The following OXCT1 variants were observed in gnomAD, a reference collection of about 807,000 sequenced individuals.
OXCT1 encodes succinyl-CoA:3-ketoacid coenzyme A transferase 1, mitochondrial.
OXCT1 carries 27 observed loss-of-function variants against 69.6 expected under a neutral mutation model. The ratio of observed to expected loss-of-function variants is 0.39; its 90% CI spans 0.29 to 0.54. The LOEUF is 0.54. Ranked by LOEUF, OXCT1 falls within the 20% of genes least tolerant of loss-of-function variation. The probability of loss-of-function intolerance (pLI) is 0.72; values close to 1 mark genes in which losing one functional copy is unlikely to be tolerated. For synonymous variants in OXCT1, 202 were observed against 217.8 expected (o/e 0.93, Z 0.64); for missense variants, 437 against 650.2 (o/e 0.67, Z 3.57).
chr5:41,820,063 A>G (rs781493378), intron 7 of OXCT1, among the ~76,000 whole-genome samples: 47 of 151,994 alleles, frequency 3.1e-4, no homozygotes, highest in Non-Finnish European at 6.0e-4. Flanking sequence ...CCCTCACACA[A>G]CTCCTCAACT....
intron 13 of OXCT1, among the ~76,000 whole-genome samples, chr5:41,764,299 A>G (rs1744492924): frequency 6.6e-6 from 1 of 152,178 alleles, no homozygotes; most frequent in East Asian, 1.9e-4. Flanking sequence ...ACCAGGAATA[A>G]GAATATCTGT....
chr5:41,735,899 G>A (rs982620862), intron 16 of OXCT1, among the ~76,000 whole-genome samples: 1 of 152,232 alleles, frequency 6.6e-6, no homozygotes, highest in African/African-American at 2.4e-5. Context: ...TCAGCCATGT[G>A]GATGGAAGCT....
chr5:41,794,276 T>C (rs1391611730), intron 12 of OXCT1, 198 bp from the exon 13 acceptor site: 2 of 624,942 alleles, frequency 3.2e-6, no homozygotes, highest in East Asian at 5.5e-5. Context: ...AAAGTTACAG[T>C]ATACATTGTT....
intron 13 of OXCT1, among the ~76,000 whole-genome samples, chr5:41,793,044 T>A (rs1448968664): frequency 6.6e-6 from 1 of 152,182 alleles, no homozygotes; most frequent in East Asian, 1.9e-4. Context: ...TGGCATTAGA[T>A]CAAATGAGCT....
At chr5:41,862,549 A>G (rs1579905698) in intron 2 of OXCT1, 93 bp downstream of exon 2, 1 of 725,004 alleles carries the variant, frequency 1.4e-6, no homozygotes. Flanking sequence ...TAAAATAATT[A>G]TCATTTTTAT....
intron 16 of OXCT1, among the ~76,000 whole-genome samples, chr5:41,732,436 A>G (rs1318056072): frequency 6.6e-6 from 1 of 152,240 alleles, no homozygotes; most frequent in African/African-American, 2.4e-5. Context: ...AAAAGTGACA[A>G]TGAATGTATA....
intron 13 of OXCT1, among the ~76,000 whole-genome samples, chr5:41,776,462 T>A (rs774072420): frequency 6.6e-6 from 1 of 152,254 alleles, no homozygotes; most frequent in Non-Finnish European, 1.5e-5. Flanking sequence ...GTTCCTGTGT[T>A]TTTTTGTTTT....
chr5:41,788,342 C>T (rs1381569724), intron 13 of OXCT1, among the ~76,000 whole-genome samples: 1 of 151,998 alleles, frequency 6.6e-6, no homozygotes, highest in Non-Finnish European at 1.5e-5. Context: ...AAAAAATATC[C>T]TGATAGATTT....
rs144128225 is a variant in OXCT1 at position 41,733,931 on chromosome 5, T to C, written c.1522-2161A>G. On this transcript the variant is annotated intron_variant, in intron 16 of 16. Transcript: ENST00000196371. ...CTATAGAAGACAAGCCAATGATTTG[T>C]CTTCCCAGTGCATTAATATCCCAAA... Among the ~76,000 whole-genome samples the C allele has an allele frequency of 1.1e-4, 16 of 152,336 alleles. No homozygotes were observed. The East Asian group carries it at 3.1e-3, about 29-fold the overall frequency.
At chr5:41,840,180 T>C (rs1205366578) in intron 7 of OXCT1, among the ~76,000 whole-genome samples, 1 of 152,238 alleles carries the variant, frequency 6.6e-6, no homozygotes, top group South Asian at 2.1e-4. Flanking sequence ...GGAGATCTAT[T>C]TCATTTAAGG....
intron 11 of OXCT1, among the ~76,000 whole-genome samples, chr5:41,798,834 C>T (rs1306030548): frequency 1.3e-5 from 2 of 152,250 alleles, no homozygotes; most frequent in East Asian, 1.9e-4. Flanking sequence ...CACCTCTGTG[C>T]AAGTCAGGTC....
At chr5:41,867,658 T>C (rs1750058218) in intron 1 of OXCT1, among the ~76,000 whole-genome samples, 2 of 152,206 alleles carry the variant, frequency 1.3e-5, no homozygotes, top group South Asian at 4.1e-4. Context: ...ACTTTATGGC[T>C]AGTTTGCTTT....
At chr5:41,828,253 G>A (rs1185080530) in intron 7 of OXCT1, among the ~76,000 whole-genome samples, 3 of 151,640 alleles carry the variant, frequency 2.0e-5, no homozygotes, top group East Asian at 1.9e-4. Flanking sequence ...GATTACAGGC[G>A]CTTGCCACCA....
intron 10 of OXCT1, 60 bp downstream of exon 10, chr5:41,803,006 CACA>C: frequency 8.4e-7 from 1 of 1,188,582 alleles, no homozygotes; most frequent in Non-Finnish European, 1.2e-6. Context: ...TAAAAAATTT[CACA>C]ACATGAAATA....
intron 15 of OXCT1, among the ~76,000 whole-genome samples, chr5:41,746,735 T>A (rs1227536782): frequency 6.6e-6 from 1 of 152,102 alleles, no homozygotes; most frequent in Non-Finnish European, 1.5e-5. Context: ...GACTGGGTAT[T>A]CCCAAGAATA....
intron 13 of OXCT1, among the ~76,000 whole-genome samples, chr5:41,792,932 C>G (rs967877958): frequency 1.3e-5 from 2 of 152,144 alleles, no homozygotes; most frequent in Admixed American, 1.3e-4. Context: ...GGCTGGAACC[C>G]AGGCATCAAA....
intron 13 of OXCT1, among the ~76,000 whole-genome samples, chr5:41,783,619 G>C (rs1002260319): frequency 1.3e-5 from 2 of 152,182 alleles, no homozygotes; most frequent in Non-Finnish European, 2.9e-5. Flanking sequence ...GAGAGACAGA[G>C]ATCGACTGAT....
intron 13 of OXCT1, 146 bp downstream of exon 13, chr5:41,793,857 A>G: frequency 3.1e-6 from 2 of 648,728 alleles, no homozygotes; most frequent in Middle Eastern, 4.2e-4. Flanking sequence ...CTCAGTGCTT[A>G]CTTAATTAAA....
chr5:41,868,982 G>A (rs1190593967), intron 1 of OXCT1, among the ~76,000 whole-genome samples: 1 of 152,202 alleles, frequency 6.6e-6, no homozygotes, highest in Non-Finnish European at 1.5e-5. Flanking sequence ...ATCAGTAACT[G>A]TCAAAAGAAG....
Sources: gnomAD v4.1 joint callset for allele counts (sites outside exome capture counted in the v4.1 genomes callset) on GRCh38, gnomAD v4.1.1 for gene constraint, MANE v1.5 for transcripts, NCBI Gene and HGNC (gene_info 2026-07-23, HGNC 2026-07-21) for gene names.